Variants in ATP6V1H observed in about 807,000 individuals in gnomAD.
The protein encoded by ATP6V1H is ATPase H+ transporting V1 subunit H.
In ATP6V1H, 39 loss-of-function variants were observed where a neutral mutation model predicts 71.7. The observed-to-expected ratio is 0.54, with a 90% CI of 0.42 to 0.71. The LOEUF (loss-of-function observed/expected upper bound fraction) is 0.71. Ranked by LOEUF, ATP6V1H falls within the 30% of genes least tolerant of loss-of-function variation. The pLI, the probability that ATP6V1H is intolerant of heterozygous loss-of-function variation, is 0.00. For synonymous variants in ATP6V1H, 192 were observed against 199.3 expected, an observed-to-expected ratio of 0.96 and a Z score of 0.31; for missense variants, 509 against 594.9, an observed-to-expected ratio of 0.86 and a Z score of 1.50.
intron 9 of ATP6V1H, among the ~76,000 whole-genome samples, chr8:53,794,337 C>A (rs1809660067): frequency 6.6e-6 from 1 of 152,076 alleles, no homozygotes; most frequent in South Asian, 2.1e-4. Context: ...TTAAATTTTG[C>A]AATACATCTG....
chr8:53,776,240 C>T (rs185555211), intron 9 of ATP6V1H, among the ~76,000 whole-genome samples: 169 of 152,324 alleles, frequency 1.1e-3, no homozygotes, highest in African/African-American at 3.6e-3. Flanking sequence ...AGCTGGCCCG[C>T]AAGCGCCGCA....
In ATP6V1H at chr8:53,715,744, G is replaced by A. The variant is rs958853429; in HGVS notation, c.*220C>T. ...AATACAGAAATTGCAAGCAGTATAT[G>A]TAACAGTAATATTTTCTTTAAATAC... is the stretch of plus-strand genomic sequence containing the variant. On this transcript the variant is annotated 3_prime_UTR_variant, in exon 14 of 14. Coordinates refer to ENST00000359530, the MANE Select transcript of ATP6V1H (RefSeq NM_015941.4). 3 of 435,234 alleles carry A rather than the reference G, an allele frequency of 6.9e-6. No individual in the cohort carries two copies. The highest frequency in any genetic ancestry group is 6.8e-5 in the East Asian group (2 of 29,372). The allele number at this position is 435,234 out of a possible 1,614,324, so 27.0% of individuals were successfully genotyped here.
At chr8:53,780,776 T>C (rs1231947608) in intron 9 of ATP6V1H, among the ~76,000 whole-genome samples, 1 of 151,978 alleles carries the variant, frequency 6.6e-6, no homozygotes, top group East Asian at 1.9e-4. Context: ...CACCTATGAG[T>C]GAGAATATGC....
rs1563481350 is a variant in ATP6V1H at position 53,819,574 on chromosome 8, AT to A, written c.307-2045del. 1.4e-4 allele frequency among the ~76,000 whole-genome samples: 18 copies of A among 129,892 alleles called. 1 individual carries two copies. The highest frequency in any genetic ancestry group is 4.2e-4 in the African/African-American group (15 of 35,936). 85.2% of individuals were successfully genotyped at this position (129,892 alleles called of 152,430 possible). On this transcript the variant is annotated intron_variant, in intron 4 of 13. Transcript: ENST00000359530. ...TATATATATATATATATATATATAT[AT>A]ATATATATATAAAATACACACACAT...
chr8:53,792,573 C>G (rs749228974), intron 9 of ATP6V1H, among the ~76,000 whole-genome samples: 3 of 152,118 alleles, frequency 2.0e-5, no homozygotes, highest in Non-Finnish European at 4.4e-5. Context: ...CTTTTTAATG[C>G]CAGTCTTAAG....
chr8:53,835,010 T>C (rs1174480939), intron 2 of ATP6V1H, among the ~76,000 whole-genome samples: 2 of 151,900 alleles, frequency 1.3e-5, no homozygotes, highest in African/African-American at 2.4e-5. Context: ...AAGTTGGGTG[T>C]GGTGGCACAC....
chr8:53,835,110 T>G (rs1811116909), intron 2 of ATP6V1H, among the ~76,000 whole-genome samples: 1 of 152,096 alleles, frequency 6.6e-6, no homozygotes, highest in South Asian at 2.1e-4. Context: ...ATTGTGTCAC[T>G]GCACTCCAGT....
intron 9 of ATP6V1H, among the ~76,000 whole-genome samples, chr8:53,781,747 C>CTAGCCAGT (rs1809143433): frequency 3.3e-5 from 5 of 150,452 alleles, no homozygotes; most frequent in African/African-American, 7.4e-5. Flanking sequence ...CCAGTTTCAG[C>CTAGCCAGT]TTTCTACATA....
chr8:53,773,656 G>A (rs1192483771), intron 9 of ATP6V1H, among the ~76,000 whole-genome samples: 1 of 152,154 alleles, frequency 6.6e-6, no homozygotes, highest in African/African-American at 2.4e-5. Context: ...TAAGGCTGGG[G>A]GGAGCCCCAG....
intron 9 of ATP6V1H, among the ~76,000 whole-genome samples, chr8:53,789,075 T>C (rs1809479971): frequency 6.6e-6 from 1 of 152,146 alleles, no homozygotes; most frequent in African/African-American, 2.4e-5. Context: ...TCAATAAACA[T>C]CTGATGCACT....
chr8:53,828,494 A>G (rs968993351), intron 4 of ATP6V1H, among the ~76,000 whole-genome samples: 5 of 152,352 alleles, frequency 3.3e-5, no homozygotes, highest in African/African-American at 9.6e-5. Context: ...GTACAGTCCC[A>G]TACAGTAACA....
At chr8:53,804,134 G>A (rs1474141977) in intron 7 of ATP6V1H, among the ~76,000 whole-genome samples, 2 of 152,190 alleles carry the variant, frequency 1.3e-5, no homozygotes, top group Non-Finnish European at 2.9e-5. Flanking sequence ...ACACTATCAG[G>A]CAGTAGCCAT....
At chr8:53,721,516 T>C (rs923648612) in intron 13 of ATP6V1H, among the ~76,000 whole-genome samples, 4 of 152,162 alleles carry the variant, frequency 2.6e-5, no homozygotes, top group African/African-American at 9.7e-5. Context: ...TGACATACAT[T>C]TTCTTATGTA....
At chr8:53,838,745 A>C (rs778897125) in intron 2 of ATP6V1H, among the ~76,000 whole-genome samples, 30 of 152,222 alleles carry the variant, frequency 2.0e-4, no homozygotes, top group South Asian at 2.1e-4. Flanking sequence ...AGCTTAATCA[A>C]ATATAAATAC....
intron 9 of ATP6V1H, among the ~76,000 whole-genome samples, chr8:53,794,561 T>C (rs1231450303): frequency 6.6e-6 from 1 of 152,140 alleles, no homozygotes; most frequent in African/African-American, 2.4e-5. Context: ...GGACGGGGTT[T>C]CACTGTGTTG....
intron 2 of ATP6V1H, among the ~76,000 whole-genome samples, chr8:53,833,753 G>A (rs866871804): frequency 4.0e-5 from 6 of 151,840 alleles, no homozygotes; most frequent in Non-Finnish European, 7.4e-5. Context: ...AGATTCAATC[G>A]AGAGTCCCAT....
chr8:53,814,860 C>T, intron 5 of ATP6V1H, 94 bp from the exon 6 acceptor site: 1 of 813,666 alleles, frequency 1.2e-6, no homozygotes. Context: ...TTTTGCTACA[C>T]AATTTCTTAA....
Position 53,785,120 on chromosome 8 carries a change from T to C in ATP6V1H, c.870+10527A>G, listed in dbSNP as rs535678758. ...ATTGGGGAAGTTCTCCTGGATAATA[T>C]CCTGCAGAGTGTTTTCCAACTTGGT... On this transcript the variant is annotated intron_variant, in intron 9 of 13. Transcript: ENST00000359530. Among the ~76,000 whole-genome samples the C allele has an allele frequency of 1.9e-3, 284 of 152,272 alleles. 1 individual carries two copies. The highest frequency in any genetic ancestry group is 6.4e-3 in the African/African-American group (267 of 41,534).
At chr8:53,797,300 G>C (rs1322100039) in intron 8 of ATP6V1H, among the ~76,000 whole-genome samples, 2 of 152,206 alleles carry the variant, frequency 1.3e-5, no homozygotes, top group Non-Finnish European at 2.9e-5. Context: ...CTGATCCTGA[G>C]AGCATTACCC....
Sources: gnomAD v4.1 joint callset for allele counts (sites outside exome capture counted in the v4.1 genomes callset) on GRCh38, gnomAD v4.1.1 for gene constraint, MANE v1.5 for transcripts, NCBI Gene and HGNC (gene_info 2026-07-23, HGNC 2026-07-21) for gene names.